The following FDX1 variants were observed in gnomAD, a reference collection of about 807,000 sequenced individuals.
The protein encoded by FDX1 is ferredoxin 1, also known as adrenodoxin, mitochondrial.
FDX1 carries 9 observed loss-of-function variants against 14.9 expected under a neutral mutation model. The observed-to-expected ratio is 0.60, with a 90% CI of 0.36 to 1.05. The LOEUF (loss-of-function observed/expected upper bound fraction) is 1.05, where lower values mean the gene tolerates loss of function less well. Ranked by LOEUF, FDX1 falls within the 50% of genes least tolerant of loss-of-function variation. The pLI, the probability that FDX1 is intolerant of heterozygous loss-of-function variation, is 0.01. For synonymous variants in FDX1, 92 were observed against 99.4 expected (o/e 0.93, Z 0.44); for missense variants, 204 against 237.2 (o/e 0.86, Z 0.92).
upstream of FDX1, chr11:110,429,889 G>C: frequency 3.0e-6 from 1 of 331,430 alleles, no homozygotes; most frequent in Non-Finnish European, 5.4e-6. Context: ...GCGTGGGCGT[G>C]AGAGGCGGGG....
intron 1 of FDX1, among the ~76,000 whole-genome samples, chr11:110,434,413 T>C (rs1231526528): frequency 6.7e-6 from 1 of 149,066 alleles, no homozygotes; most frequent in African/African-American, 2.5e-5. Flanking sequence ...CTCGGCTCAC[T>C]GCAACCTCTG....
intron 1 of FDX1, among the ~76,000 whole-genome samples, chr11:110,433,553 G>A (rs1946345323): frequency 6.6e-6 from 1 of 152,132 alleles, no homozygotes; most frequent in African/African-American, 2.4e-5. Context: ...ATGCTGTTTT[G>A]ATAACCTCCA....
chr11:110,457,748 A>AAAT (rs1465581694), intron 3 of FDX1, among the ~76,000 whole-genome samples: 3 of 107,958 alleles, frequency 2.8e-5, no homozygotes. Context: ...TAAAAATTAA[A>AAAT]GATAGTAATA....
At chr11:110,461,223 C>T (rs1179117468) in intron 3 of FDX1, among the ~76,000 whole-genome samples, 2 of 151,966 alleles carry the variant, frequency 1.3e-5, no homozygotes, top group Non-Finnish European at 1.5e-5. Context: ...TGGCTGAGTG[C>T]GGTGGCTCAT....
intron 3 of FDX1, among the ~76,000 whole-genome samples, chr11:110,459,774 C>A (rs1191698799): frequency 6.6e-6 from 1 of 152,138 alleles, no homozygotes; most frequent in Non-Finnish European, 1.5e-5. Flanking sequence ...TATGAGACAC[C>A]ATCTATACTG....
At chr11:110,447,758 G>A (rs946310371) in intron 2 of FDX1, among the ~76,000 whole-genome samples, 10 of 152,038 alleles carry the variant, frequency 6.6e-5, no homozygotes, top group Admixed American at 2.0e-4. Context: ...CTTCCTTAGC[G>A]AGGCTTTGCC....
intron 2 of FDX1, among the ~76,000 whole-genome samples, chr11:110,444,312 T>A (rs1946424128): frequency 6.6e-6 from 1 of 151,806 alleles, no homozygotes; most frequent in Non-Finnish European, 1.5e-5. Context: ...GAATACGGAG[T>A]CTCTTAAAAA....
chr11:110,440,068 G>A (rs1425271342), intron 2 of FDX1, among the ~76,000 whole-genome samples: 1 of 152,148 alleles, frequency 6.6e-6, no homozygotes, highest in African/African-American at 2.4e-5. Context: ...GCATAGGGGT[G>A]CTGATAATAG....
intron 2 of FDX1, among the ~76,000 whole-genome samples, chr11:110,454,228 C>T (rs1356973169): frequency 6.6e-6 from 1 of 152,004 alleles, no homozygotes; most frequent in Non-Finnish European, 1.5e-5. Context: ...CTGAGAAGAG[C>T]CATGAAAATT....
chr11:110,429,807 A>C, upstream of FDX1: 1 of 238,410 alleles, frequency 4.2e-6, no homozygotes, highest in Non-Finnish European at 8.1e-6. Context: ...CTAAAAAAGC[A>C]TCCAGCTTAC....
At chr11:110,442,836 C>G (rs777568801) in intron 2 of FDX1, among the ~76,000 whole-genome samples, 3 of 152,196 alleles carry the variant, frequency 2.0e-5, no homozygotes, top group Non-Finnish European at 4.4e-5. Flanking sequence ...ATGTCCCCTC[C>G]TATCCAGACC....
intron 2 of FDX1, among the ~76,000 whole-genome samples, chr11:110,449,658 T>C (rs1447278709): frequency 6.6e-6 from 1 of 152,170 alleles, no homozygotes; most frequent in African/African-American, 2.4e-5. Flanking sequence ...GACAGAGTCT[T>C]ACTCTGTCAC....
intron 2 of FDX1, among the ~76,000 whole-genome samples, chr11:110,442,012 G>A (rs980390901): frequency 1.3e-5 from 2 of 152,234 alleles, no homozygotes; most frequent in African/African-American, 4.8e-5. Context: ...AGCTAGGGCC[G>A]TGGCTTCAGA....
At chr11:110,458,975 T>G (rs1329928975) in intron 3 of FDX1, among the ~76,000 whole-genome samples, 3 of 152,214 alleles carry the variant, frequency 2.0e-5, no homozygotes, top group Middle Eastern at 6.3e-3. Context: ...ACAGCCTCAT[T>G]GTTTTTTTCA....
intron 1 of FDX1, 33 bp from the exon 2 acceptor site, chr11:110,435,801 C>T: frequency 6.6e-7 from 1 of 1,521,906 alleles, no homozygotes; most frequent in Admixed American, 1.9e-5. Context: ...TTTGAAATTA[C>T]TAAAAATACT....
At position 110,430,271 on chromosome 11, in the gene FDX1, C is replaced by G. The variant is rs1486933835; in HGVS notation, c.151C>G (p.Arg51Gly). The change falls in exon 1 of 4, where the codon CGG becomes GGG. Residue 51 changes from arginine (R) to glycine (G), a missense_variant. Transcript: ENST00000260270. ...GCCGGGCGGGAGCGCGGAGGCGAGC[C>G]GGTCGCTGAGCGTGTCGGCGCGGGC... Reference protein sequence around the residue: ...RGPGGSAEASRSLSVSARARS... With the variant: ...RGPGGSAEASGSLSVSARARS... 8.3e-7 allele frequency: 1 copy of G among 1,203,190 alleles called. No individual in the cohort carries two copies. Among genetic ancestry groups the G allele is most frequent in the African/African-American group, 1.6e-5 (1 of 63,270 alleles). The allele number at this position is 1,203,190 out of a possible 1,614,324, so 74.5% of individuals were successfully genotyped here.
At chr11:110,454,994 G>A (rs1322787642) in intron 2 of FDX1, among the ~76,000 whole-genome samples, 1 of 152,092 alleles carries the variant, frequency 6.6e-6, no homozygotes, top group Non-Finnish European at 1.5e-5. Context: ...CTTCACGATG[G>A]TGTTTTTTTG....
chr11:110,432,593 C>T (rs1316333487), intron 1 of FDX1, among the ~76,000 whole-genome samples: 6 of 151,920 alleles, frequency 3.9e-5, no homozygotes, highest in South Asian at 2.1e-4. Context: ...CTCAGCCACC[C>T]GAATATCTGG....
chr11:110,447,273 CAAAAAAAAAAAA>C (rs541827807), intron 2 of FDX1, among the ~76,000 whole-genome samples: 4 of 75,752 alleles, frequency 5.3e-5, no homozygotes, highest in South Asian at 4.9e-4. Flanking sequence ...ACTAAAAATA[CAAAAAAAAAAAA>C]AAAAAAAAAA....
Sources: allele counts gnomAD v4.1 joint callset (sites outside exome capture counted in the v4.1 genomes callset), GRCh38; gene constraint gnomAD v4.1.1; transcripts MANE v1.5; gene names NCBI Gene and HGNC (gene_info 2026-07-23, HGNC 2026-07-21).